The following CACNA1E variants were observed in gnomAD, a reference collection of about 807,000 sequenced individuals.
The protein encoded by CACNA1E is voltage-dependent R-type calcium channel subunit alpha-1E.
CACNA1E carries 40 observed loss-of-function variants against 259.2 expected under a neutral mutation model. The ratio of observed to expected loss-of-function variants is 0.15; its 90% confidence interval spans 0.12 to 0.20. CACNA1E has a LOEUF of 0.20. Among genes scored for constraint, CACNA1E ranks in the 10% least tolerant of loss-of-function variants. CACNA1E has a pLI of 1.00. For missense variants in CACNA1E, 1,874 were observed against 3,040.1 expected (o/e 0.62, Z 9.02); for synonymous variants, 1,104 against 1,138.5 (o/e 0.97, Z 0.61).
chr1:181,660,197 A>T (rs978033880), intron 7 of CACNA1E, among the ~76,000 whole-genome samples: 1 of 152,246 alleles, frequency 6.6e-6, no homozygotes, highest in Non-Finnish European at 1.5e-5. Context: ...ATGAATGCAT[A>T]GAGTGGCTCC....
chr1:181,597,204 A>G (rs1274688409), intron 6 of CACNA1E, among the ~76,000 whole-genome samples: 2 of 152,194 alleles, frequency 1.3e-5, no homozygotes, highest in Admixed American at 1.3e-4. Flanking sequence ...TGGCACTCAG[A>G]GGAGTTTATC....
At chr1:181,660,365 T>A (rs1647528509) in intron 7 of CACNA1E, among the ~76,000 whole-genome samples, 1 of 152,210 alleles carries the variant, frequency 6.6e-6, no homozygotes, top group South Asian at 2.1e-4. Context: ...GATTGTAGAC[T>A]AATTATGGAA....
intron 25 of CACNA1E, among the ~76,000 whole-genome samples, chr1:181,741,608 T>G (rs1388909959): frequency 6.6e-6 from 1 of 152,214 alleles, no homozygotes; most frequent in Admixed American, 6.5e-5. Flanking sequence ...GGTGTGTTGG[T>G]GCCAGTGTGG....
At chr1:181,407,640 A>C (rs896244541) in intron 1 of CACNA1E, among the ~76,000 whole-genome samples, 4 of 152,232 alleles carry the variant, frequency 2.6e-5, no homozygotes, top group African/African-American at 9.6e-5. Context: ...AATGAAAATC[A>C]TGCCCAGCTT....
chr1:181,528,445 G>A (rs1667527869), intron 3 of CACNA1E, among the ~76,000 whole-genome samples: 1 of 152,192 alleles, frequency 6.6e-6, no homozygotes, highest in South Asian at 2.1e-4. Context: ...CAGGAGAGGG[G>A]TGTTGCTGAA....
intron 6 of CACNA1E, among the ~76,000 whole-genome samples, chr1:181,625,065 T>C: frequency 7.0e-6 from 1 of 142,128 alleles, no homozygotes; most frequent in African/African-American, 2.7e-5. Flanking sequence ...TTTTTTTTTT[T>C]TTTTGAGAAG....
chr1:181,327,600 T>C (rs2102584132), intron 1 of CACNA1E, among the ~76,000 whole-genome samples: 1 of 152,318 alleles, frequency 6.6e-6, no homozygotes, highest in Non-Finnish European at 1.5e-5. Flanking sequence ...CCACAGCTCC[T>C]CAATATATTG....
intron 2 of CACNA1E, among the ~76,000 whole-genome samples, chr1:181,443,488 T>TA (rs1257357724): frequency 6.6e-6 from 1 of 152,210 alleles, no homozygotes; most frequent in Non-Finnish European, 1.5e-5. Context: ...CTTAAATGTA[T>TA]TTTGAGGCCT....
In CACNA1E at chr1:181,485,816, A is replaced by AG. The variant is rs1278459300; in HGVS notation, c.266+1810dup. Among the ~76,000 whole-genome samples, 1 of 152,050 alleles carries AG rather than the reference A, an allele frequency of 6.6e-6. No homozygotes were observed. Among genetic ancestry groups the AG allele is most frequent in the East Asian group, 1.9e-4 (1 of 5,180 alleles). ...TGCTGCCTTGCTGTGCCCCTCTCTT[A>AG]GGGGCGTGTTTATTCAGACAGGCGC... On this transcript the variant is annotated intron_variant, in intron 1 of 47. Transcript: ENST00000367573. This position sits in a 1 kb window ranked among gnomAD's most constrained non-coding sequence, Gnocchi z 4.2.
chr1:181,450,434 GTGTGT>G (rs1661083962), intron 2 of CACNA1E, among the ~76,000 whole-genome samples: 1 of 151,840 alleles, frequency 6.6e-6, no homozygotes, highest in Non-Finnish European at 1.5e-5. Flanking sequence ...GTGTGTGTGT[GTGTGT>G]GTGTGTATGT....
At chr1:181,653,637 G>T (rs1658950155) in intron 7 of CACNA1E, among the ~76,000 whole-genome samples, 1 of 152,234 alleles carries the variant, frequency 6.6e-6, no homozygotes, top group South Asian at 2.1e-4. Context: ...GCATTCCTTG[G>T]CTTATAGCCA....
rs1463064489 is a variant in CACNA1E, at chr1:181,483,728, T to C, written c.-17T>C. ...CGCGATCACCTTTGTGTGTCTTCTG[T>C]CTGTTTAAACCTCAGGATGGCTCGC... On this transcript the variant is annotated 5_prime_UTR_variant, in exon 1 of 48. Coordinates refer to ENST00000367573, the MANE Select transcript of CACNA1E (RefSeq NM_001205293.3). The C allele has an allele frequency of 2.5e-6, 4 of 1,579,814 alleles. No individual in the cohort carries two copies. The highest frequency in any genetic ancestry group is 2.6e-6 in the Non-Finnish European group (3 of 1,160,180).
At chr1:181,387,219 C>G (rs775966033) in intron 1 of CACNA1E, among the ~76,000 whole-genome samples, 3 of 152,112 alleles carry the variant, frequency 2.0e-5, no homozygotes, top group Non-Finnish European at 4.4e-5. Context: ...AGGGAGTTCT[C>G]AGCTTTCCTG....
At chr1:181,463,413 G>A (rs1262407376) in intron 2 of CACNA1E, among the ~76,000 whole-genome samples, 1 of 152,060 alleles carries the variant, frequency 6.6e-6, no homozygotes, top group East Asian at 1.9e-4. Flanking sequence ...CAGAGTGAAT[G>A]TGTCATTTCC....
At chr1:181,518,042 C>T (rs1666721921) in intron 3 of CACNA1E, among the ~76,000 whole-genome samples, 1 of 152,004 alleles carries the variant, frequency 6.6e-6, no homozygotes, top group Non-Finnish European at 1.5e-5. Flanking sequence ...CTTGTCCTTA[C>T]TGTTCTGGGC....
intron 7 of CACNA1E, among the ~76,000 whole-genome samples, chr1:181,705,749 A>C (rs1652733157): frequency 6.6e-6 from 1 of 152,172 alleles, no homozygotes; most frequent in African/African-American, 2.4e-5. Flanking sequence ...CTCTTATGGG[A>C]ATCTAGTCAG....
At chr1:181,508,681 G>A (rs571013441) in intron 1 of CACNA1E, among the ~76,000 whole-genome samples, 1 of 152,304 alleles carries the variant, frequency 6.6e-6, no homozygotes, top group East Asian at 1.9e-4. Context: ...TTGGCAGGCT[G>A]TATGTTGGGG....
At chr1:181,481,484 T>C (rs1277175804), upstream of CACNA1E, among the ~76,000 whole-genome samples, 1 of 152,212 alleles carries the variant, frequency 6.6e-6, no homozygotes. Flanking sequence ...ATCACCTCAC[T>C]TCTCAACAGT....
Position 181,776,251 on chromosome 1 carries a change from C to G in CACNA1E, c.5267+23C>G. On this transcript the variant is annotated intron_variant, in intron 38 of 47. Transcript: ENST00000367573. This position sits in a 1 kb window ranked among gnomAD's most constrained non-coding sequence, Gnocchi z 4.4. Reference sequence around the variant, plus strand: ...ATGGTGCGTAGGCCCCTCGGCCGCCCCAGCGGGGCCCAGAGCAAAGGTCTC... The same window carrying G: ...ATGGTGCGTAGGCCCCTCGGCCGCCGCAGCGGGGCCCAGAGCAAAGGTCTC... The G allele has an allele frequency of 1.2e-6, 2 of 1,613,072 alleles. No homozygotes were observed. Among genetic ancestry groups the G allele is most frequent in the Non-Finnish European group, 1.7e-6 (2 of 1,179,072 alleles).
Sources: gnomAD v4.1 joint callset for allele counts (sites outside exome capture counted in the v4.1 genomes callset) on GRCh38, gnomAD v4.1.1 for gene constraint, Gnocchi (gnomAD v3.1) non-coding constraint, MANE v1.5 for transcripts, NCBI Gene and HGNC (gene_info 2026-07-23, HGNC 2026-07-21) for gene names.